The following C2CD3 variants were observed in gnomAD, a reference collection of about 807,000 sequenced individuals.
The protein encoded by C2CD3 is C2 domain containing 3 centriole elongation regulator.
In C2CD3, 148 loss-of-function variants were observed where a neutral mutation model predicts 234.0. The observed-to-expected ratio is 0.63, with a 90% CI of 0.55 to 0.72. C2CD3 has a LOEUF of 0.72. C2CD3 is among the 30% of genes least tolerant of loss of function. C2CD3 has a pLI of 0.00. For missense variants in C2CD3, 2,577 were observed against 2,811.5 expected, an observed-to-expected ratio of 0.92 and a Z score of 1.89; for synonymous variants, 1,000 against 1,035.4, an observed-to-expected ratio of 0.97 and a Z score of 0.66.
intron 3 of C2CD3, among the ~76,000 whole-genome samples, chr11:74,141,927 C>T (rs755207801): frequency 3.3e-5 from 5 of 151,812 alleles, no homozygotes; most frequent in Non-Finnish European, 7.4e-5. Context: ...GCTTGAGCCC[C>T]GGATATTGAG....
At chr11:74,057,263 C>A in intron 25 of C2CD3, 143 bp downstream of exon 25, 1 of 786,472 alleles carries the variant, frequency 1.3e-6, no homozygotes, top group Non-Finnish European at 2.1e-6. Flanking sequence ...TTCATAAACA[C>A]TAGGATTAAA....
chr11:74,048,132 G>C (rs954410181), intron 28 of C2CD3, 73 bp downstream of exon 28: 2 of 1,478,018 alleles, frequency 1.4e-6, no homozygotes, highest in East Asian at 2.3e-5. Flanking sequence ...AAAGGAAAGA[G>C]AGAAATGATA....
At chr11:74,027,840 C>T (rs1617256) in intron 32 of C2CD3, among the ~76,000 whole-genome samples, 9,122 of 152,272 alleles carry the variant, frequency 0.06, 860 homozygotes, top group African/African-American at 0.2. Flanking sequence ...GTTCCAACCA[C>T]CTACTTCAGC....
At position 74,034,187 on chromosome 11, in the gene C2CD3, A is replaced by G. The variant is rs1433595072; in HGVS notation, c.5973T>C (p.Ala1991=). 1 of 1,535,790 alleles carries G rather than the reference A, an allele frequency of 6.5e-7. No homozygotes were observed. Among genetic ancestry groups the G allele is most frequent in the East Asian group, 2.4e-5 (1 of 40,908 alleles). Residue 1991 remains alanine, a synonymous_variant, in exon 31 of 33, where the codon GCT becomes GCC. Transcript: ENST00000334126. ...GTTCTTGCAGTGCTTCTGTGTCCTG[A>G]GCATCTGGGAGGGTGGTGGCCTTGT... The part of the protein sequence containing the change: ...RSNKATTLPD[A]QDTEALQERC...
At chr11:74,106,554 T>A in intron 12 of C2CD3, 61 bp from the exon 13 acceptor site, 1 of 1,512,088 alleles carries the variant, frequency 6.6e-7, no homozygotes, top group Non-Finnish European at 9.1e-7. Context: ...GTGATCTTAA[T>A]TAAAGTGACA....
intron 2 of C2CD3, among the ~76,000 whole-genome samples, chr11:74,162,978 C>T (rs1397801060): frequency 1.3e-5 from 2 of 152,262 alleles, no homozygotes; most frequent in African/African-American, 4.8e-5. Context: ...ATAAACTTCT[C>T]AACTATACTC....
At chr11:74,108,364 G>A (rs1389681733) in intron 12 of C2CD3, among the ~76,000 whole-genome samples, 1 of 151,922 alleles carries the variant, frequency 6.6e-6, no homozygotes, top group South Asian at 2.1e-4. Context: ...TGTTCTTCAT[G>A]CTATCCATAC....
chr11:74,158,094 T>C (rs566286735), intron 3 of C2CD3, among the ~76,000 whole-genome samples: 12 of 152,138 alleles, frequency 7.9e-5, no homozygotes, highest in African/African-American at 2.9e-4. Flanking sequence ...GAAGAAAACA[T>C]AGGGGAAATG....
intron 3 of C2CD3, among the ~76,000 whole-genome samples, chr11:74,158,850 T>A (rs981867562): frequency 6.6e-6 from 1 of 152,080 alleles, no homozygotes; most frequent in Non-Finnish European, 1.5e-5. Context: ...AGACAAAAAG[T>A]AACAAATGAT....
chr11:74,040,600 CA>C (rs1484560078), intron 29 of C2CD3, among the ~76,000 whole-genome samples: 2 of 151,820 alleles, frequency 1.3e-5, no homozygotes, highest in Non-Finnish European at 2.9e-5. Context: ...ACTAAAAATA[CA>C]AAAAACTAGC....
chr11:74,163,662 T>C (rs1856620141), intron 2 of C2CD3, among the ~76,000 whole-genome samples: 1 of 152,186 alleles, frequency 6.6e-6, no homozygotes, highest in African/African-American at 2.4e-5. Context: ...TGATTGTAAG[T>C]TTCCTGAGGC....
intron 3 of C2CD3, among the ~76,000 whole-genome samples, chr11:74,140,763 C>A (rs971264685): frequency 6.6e-6 from 1 of 152,118 alleles, no homozygotes; most frequent in Non-Finnish European, 1.5e-5. Context: ...TTTCTGCATT[C>A]TTATTATTAG....
chr11:74,085,610 G>C lies in C2CD3; in HGVS notation c.3910+8C>G. ...AATTTTGATTGTGACAAGTCATATG[G>C]TGCTCACCTGACTTGGTATTTTCAT... On this transcript the variant is annotated splice_region_variant and intron_variant, in intron 21 of 32. Transcript: ENST00000334126. 1 of 1,613,710 alleles carries C rather than the reference G, an allele frequency of 6.2e-7. No individual in the cohort carries two copies. Among genetic ancestry groups the C allele is most frequent in the Non-Finnish European group, 8.5e-7 (1 of 1,179,746 alleles).
intron 3 of C2CD3, among the ~76,000 whole-genome samples, chr11:74,159,628 T>C (rs1555067712): frequency 6.6e-6 from 1 of 151,804 alleles, no homozygotes; most frequent in Non-Finnish European, 1.5e-5. Flanking sequence ...GTGTTTGTGT[T>C]TTAATTGTTA....
rs554663280 is a variant in C2CD3, at chr11:74,166,112, C to T, written c.325+2232G>A. Among the ~76,000 whole-genome samples, 9 of 152,156 alleles carry T rather than the reference C, an allele frequency of 5.9e-5. No homozygotes were observed. The South Asian group carries it at 1.7e-3, about 28-fold the overall frequency. On this transcript the variant is annotated intron_variant, in intron 2 of 32. Transcript: ENST00000334126. ...GATCGTGAGATCAGGAGATTGAGAC[C>T]ATCCTGGCTAACACGGTGAAACCCC...
intron 29 of C2CD3, among the ~76,000 whole-genome samples, chr11:74,038,251 T>C (rs897618812): frequency 3.9e-5 from 6 of 152,222 alleles, no homozygotes; most frequent in African/African-American, 1.4e-4. Flanking sequence ...GCACCCAGCA[T>C]AGTGCTTGGC....
chr11:74,135,442 T>C (rs770283886), intron 5 of C2CD3, among the ~76,000 whole-genome samples: 1 of 152,164 alleles, frequency 6.6e-6, no homozygotes, highest in Non-Finnish European at 1.5e-5. Flanking sequence ...CTTGCAGATG[T>C]AATTAATGCT....
At chr11:74,036,665 C>T (rs1052512979) in intron 30 of C2CD3, among the ~76,000 whole-genome samples, 1 of 152,166 alleles carries the variant, frequency 6.6e-6, no homozygotes, top group Non-Finnish European at 1.5e-5. Flanking sequence ...TTCCCTGAAG[C>T]TTGCTTGATA....
At chr11:74,109,997 C>T (rs921552918) in intron 11 of C2CD3, among the ~76,000 whole-genome samples, 2 of 146,584 alleles carry the variant, frequency 1.4e-5, no homozygotes, top group African/African-American at 2.6e-5. Flanking sequence ...AGGAGAGTGG[C>T]GTGAACCGGG....
Sources: gnomAD v4.1 joint callset for allele counts (sites outside exome capture counted in the v4.1 genomes callset) on GRCh38, gnomAD v4.1.1 for gene constraint, MANE v1.5 for transcripts, NCBI Gene and HGNC (gene_info 2026-07-23, HGNC 2026-07-21) for gene names.